Variants in ROBO2 observed in about 807,000 individuals in gnomAD.
The protein encoded by ROBO2 is roundabout guidance receptor 2.
Under a neutral mutation model 160.8 loss-of-function variants are expected in ROBO2, and 53 were observed. The ratio of observed to expected loss-of-function variants is 0.33; its 90% CI spans 0.26 to 0.41. The LOEUF (loss-of-function observed/expected upper bound fraction) is 0.41. Ranked by LOEUF, ROBO2 falls within the 10% of genes least tolerant of loss-of-function variation. ROBO2 has a pLI of 1.00. For missense variants in ROBO2, 1,577 were observed against 1,722.4 expected (o/e 0.92, Z 1.49); for synonymous variants, 664 against 611.7 (o/e 1.09, Z -1.26).
intron 2 of ROBO2, among the ~76,000 whole-genome samples, chr3:76,851,205 C>T (rs1251149225): frequency 6.6e-6 from 1 of 152,196 alleles, no homozygotes; most frequent in African/African-American, 2.4e-5. Flanking sequence ...GTGTAGCTAA[C>T]TTTGAATTCT....
At chr3:76,964,348 T>A (rs2149251304) in intron 2 of ROBO2, among the ~76,000 whole-genome samples, 1 of 152,324 alleles carries the variant, frequency 6.6e-6, no homozygotes, top group East Asian at 1.9e-4. Context: ...TGTTTTGTTT[T>A]GTTTTGTTTT....
At chr3:76,415,341 A>C (rs1349816766) in intron 2 of ROBO2, among the ~76,000 whole-genome samples, 2 of 152,190 alleles carry the variant, frequency 1.3e-5, no homozygotes, top group African/African-American at 4.8e-5. Context: ...TGCCTCTCAG[A>C]AATGTCTGAA....
In ROBO2 at chr3:76,403,685, A is replaced by G. The variant is rs567319629; in HGVS notation, c.109+466083A>G. Among the ~76,000 whole-genome samples, 48 of 151,744 alleles carry G rather than the reference A, an allele frequency of 3.2e-4. 1 individual carries two copies. The highest frequency in any genetic ancestry group is 9.4e-4 in the African/African-American group (39 of 41,494). On this transcript the variant is annotated intron_variant, in intron 2 of 26. Coordinates refer to the ROBO2 transcript ENST00000487694. ...AAGCACTGGCAGAGTCTGTAAGACA[A>G]TACTGAACACAGCACAGCCATTATT...
chr3:76,143,438 A>G (rs2071762087), intron 2 of ROBO2, among the ~76,000 whole-genome samples: 1 of 152,036 alleles, frequency 6.6e-6, no homozygotes, highest in Non-Finnish European at 1.5e-5. Flanking sequence ...TTCCATAAAT[A>G]TTTTTACAAG....
intron 2 of ROBO2, among the ~76,000 whole-genome samples, chr3:76,874,379 C>T (rs974313632): frequency 2.0e-5 from 3 of 152,076 alleles, no homozygotes; most frequent in Admixed American, 6.5e-5. Context: ...ATTCATTATT[C>T]ATTATTGCCC....
At chr3:76,586,338 G>A (rs1472067582) in intron 2 of ROBO2, among the ~76,000 whole-genome samples, 3 of 152,114 alleles carry the variant, frequency 2.0e-5, no homozygotes, top group South Asian at 2.1e-4. Flanking sequence ...CAAGTGCTTC[G>A]ATATTTAAAC....
chr3:75,953,050 T>A (rs1004384029), intron 2 of ROBO2, among the ~76,000 whole-genome samples: 1 of 151,964 alleles, frequency 6.6e-6, no homozygotes, highest in African/African-American at 2.4e-5. Context: ...ATTTTAGTGA[T>A]CATGAATAAG....
At chr3:76,501,812 C>T (rs1227089222) in intron 2 of ROBO2, among the ~76,000 whole-genome samples, 1 of 152,132 alleles carries the variant, frequency 6.6e-6, no homozygotes, top group Non-Finnish European at 1.5e-5. Context: ...TAAGTATACT[C>T]AGTGGGGTGG....
chr3:77,320,778 A>G (rs1216741757), intron 2 of ROBO2, among the ~76,000 whole-genome samples: 1 of 152,204 alleles, frequency 6.6e-6, no homozygotes, highest in African/African-American at 2.4e-5. Flanking sequence ...CTTGTAGACT[A>G]CAAGCGATTT....
intron 1 of ROBO2, among the ~76,000 whole-genome samples, chr3:77,097,309 G>A (rs1298978485): frequency 6.6e-6 from 1 of 151,972 alleles, no homozygotes; most frequent in African/African-American, 2.4e-5. Flanking sequence ...ATTTTTTTCG[G>A]GGAAGGGATC....
intron 2 of ROBO2, among the ~76,000 whole-genome samples, chr3:76,444,880 C>T (rs925828146): frequency 3.9e-5 from 6 of 152,134 alleles, no homozygotes; most frequent in Admixed American, 3.9e-4. Context: ...AATTTTCCTA[C>T]ACATACAACA....
chr3:77,289,149 C>T (rs981531938), intron 2 of ROBO2, among the ~76,000 whole-genome samples: 6 of 152,060 alleles, frequency 3.9e-5, no homozygotes, highest in African/African-American at 1.2e-4. Flanking sequence ...TATTTATAGG[C>T]TCTACAAATA....
At chr3:75,952,205 A>AT (rs919565032) in intron 2 of ROBO2, among the ~76,000 whole-genome samples, 2 of 151,694 alleles carry the variant, frequency 1.3e-5, no homozygotes, top group South Asian at 2.1e-4. Flanking sequence ...TCTTCTCAAT[A>AT]TTTTTTTTAA....
intron 2 of ROBO2, among the ~76,000 whole-genome samples, chr3:76,784,654 A>G (rs1294821331): frequency 1.3e-5 from 2 of 151,144 alleles, no homozygotes; most frequent in Non-Finnish European, 3.0e-5. Context: ...GCATTCCTTG[A>G]TAGGTTAGGG....
intron 2 of ROBO2, among the ~76,000 whole-genome samples, chr3:76,455,804 C>T (rs1173774781): frequency 1.3e-5 from 2 of 152,182 alleles, no homozygotes; most frequent in African/African-American, 4.8e-5. Context: ...TCCACGTTGA[C>T]TCATCAATTC....
At chr3:76,249,403 T>A (rs1032779426) in intron 2 of ROBO2, among the ~76,000 whole-genome samples, 1 of 152,098 alleles carries the variant, frequency 6.6e-6, no homozygotes, top group Non-Finnish European at 1.5e-5. Flanking sequence ...AGATTTTAAA[T>A]AAGAGAATTT....
chr3:76,483,026 T>G (rs2079293193), intron 2 of ROBO2, among the ~76,000 whole-genome samples: 1 of 152,128 alleles, frequency 6.6e-6, no homozygotes, highest in Non-Finnish European at 1.5e-5. Context: ...TAAAATTCAT[T>G]TAGGGAGATA....
chr3:77,528,199 T>C (rs1405848836), intron 6 of ROBO2, among the ~76,000 whole-genome samples: 2 of 151,676 alleles, frequency 1.3e-5, no homozygotes, highest in Non-Finnish European at 3.0e-5. Context: ...TAAATAAATT[T>C]TGGTAATTGT....
chr3:76,769,087 T>C (rs1273254015), intron 2 of ROBO2, among the ~76,000 whole-genome samples: 1 of 151,486 alleles, frequency 6.6e-6, no homozygotes, highest in Non-Finnish European at 1.5e-5. Context: ...TCCTTGGCCG[T>C]GTAGACTGCT....
Sources: gnomAD v4.1 joint callset for allele counts (sites outside exome capture counted in the v4.1 genomes callset) on GRCh38, gnomAD v4.1.1 for gene constraint, MANE v1.5 for transcripts, NCBI Gene and HGNC (gene_info 2026-07-23, HGNC 2026-07-21) for gene names.